Variants in MYO16 observed in about 807,000 individuals in gnomAD.
The protein encoded by MYO16 is unconventional myosin-XVI.
In MYO16, 94 loss-of-function variants were observed where a neutral mutation model predicts 205.3. That is an observed-to-expected ratio of 0.46 (90% CI 0.39 to 0.54). The LOEUF (loss-of-function observed/expected upper bound fraction) is 0.54. Ranked by LOEUF, MYO16 falls within the 20% of genes least tolerant of loss-of-function variation. The pLI, the probability that MYO16 is intolerant of heterozygous loss-of-function variation, is 0.00. For missense variants in MYO16, 2,315 were observed against 2,387.5 expected (o/e 0.97, Z 0.63); for synonymous variants, 988 against 954.0 (o/e 1.04, Z -0.66).
intron 21 of MYO16, among the ~76,000 whole-genome samples, chr13:108,997,378 GA>G (rs1223760255): frequency 0.048 from 1,280 of 26,908 alleles, 40 homozygotes; most frequent in Non-Finnish European, 0.067. Flanking sequence ...GAGAGAGAGA[GA>G]GAGAGAGAGA....
At chr13:108,998,191 A>G (rs1188537469) in intron 21 of MYO16, among the ~76,000 whole-genome samples, 1 of 152,242 alleles carries the variant, frequency 6.6e-6, no homozygotes, top group Non-Finnish European at 1.5e-5. Flanking sequence ...ACTTTTCCAC[A>G]TACTCTTCAC....
chr13:108,744,228 T>C (rs927823976), intron 4 of MYO16, among the ~76,000 whole-genome samples: 17 of 152,222 alleles, frequency 1.1e-4, no homozygotes, highest in African/African-American at 3.1e-4. Context: ...TAAGAAACGA[T>C]TGATTTTTTC....
chr13:109,129,024 G>A (rs963689844), intron 31 of MYO16, among the ~76,000 whole-genome samples: 4 of 150,680 alleles, frequency 2.7e-5, no homozygotes, highest in African/African-American at 9.8e-5. Flanking sequence ...TGCCTGCCTT[G>A]GCCTCCCAAA....
At chr13:108,832,090 G>T (rs1876650789) in intron 9 of MYO16, among the ~76,000 whole-genome samples, 1 of 150,814 alleles carries the variant, frequency 6.6e-6, no homozygotes, top group African/African-American at 2.4e-5. Context: ...AGATTTAGAA[G>T]TTGTGGAAAT....
At position 109,019,905 on chromosome 13, in the gene MYO16, A is replaced by G. The variant is rs1202163909; in HGVS notation, c.2790A>G (p.Ala930=). ...HGTAFTIMHY[A]GRVMYDVVGA... Reference sequence around the variant, plus strand: ...CAGCCTTCACCATCATGCACTACGCAGGAAGGGTAAGTGGCCAGAACTGCA... The same window carrying G: ...CAGCCTTCACCATCATGCACTACGCGGGAAGGGTAAGTGGCCAGAACTGCA... Residue 930 remains alanine, a synonymous_variant, in exon 23 of 35, where the codon GCA becomes GCG. Transcript: ENST00000457511. 2 of 1,614,034 alleles carry G rather than the reference A, an allele frequency of 1.2e-6. No homozygotes were observed. The highest frequency in any genetic ancestry group is 1.3e-5 in the African/African-American group (1 of 75,044).
the MYO16 span, among the ~76,000 whole-genome samples, chr13:108,505,180 A>C: frequency 1.3e-5 from 2 of 152,220 alleles, no homozygotes; most frequent in Non-Finnish European, 2.9e-5. Flanking sequence ...CCAAAGAAGT[A>C]GGATTCCTGG....
intron 12 of MYO16, among the ~76,000 whole-genome samples, chr13:108,882,384 CT>C (rs1335672045): frequency 1.3e-5 from 2 of 152,142 alleles, no homozygotes; most frequent in African/African-American, 4.8e-5. Context: ...GTTCTGCAGT[CT>C]TCTTTTGACT....
chr13:108,606,122 A>C (rs1878948488), intron 1 of MYO16, among the ~76,000 whole-genome samples: 1 of 152,170 alleles, frequency 6.6e-6, no homozygotes, highest in South Asian at 2.1e-4. Context: ...ATTGGCACTT[A>C]TGTTTAAAAG....
At chr13:109,027,773 A>G (rs1434860156) in intron 23 of MYO16, among the ~76,000 whole-genome samples, 3 of 152,200 alleles carry the variant, frequency 2.0e-5, no homozygotes, top group African/African-American at 7.2e-5. Flanking sequence ...TATGTGAGTC[A>G]TCTATTTCCC....
chr13:108,901,609 T>C (rs986530777), intron 15 of MYO16, among the ~76,000 whole-genome samples: 2 of 152,208 alleles, frequency 1.3e-5, no homozygotes, highest in South Asian at 4.1e-4. Context: ...AGGGCATCTA[T>C]GACAGGCATG....
the MYO16 span, among the ~76,000 whole-genome samples, chr13:108,506,476 A>G: frequency 6.6e-6 from 1 of 152,130 alleles, no homozygotes; most frequent in African/African-American, 2.4e-5. Context: ...CATTGTTAAT[A>G]TATAAAAAGC....
chr13:108,625,195 ATG>A (rs1879687487), upstream of MYO16, among the ~76,000 whole-genome samples: 1 of 152,176 alleles, frequency 6.6e-6, no homozygotes, highest in African/African-American at 2.4e-5. Context: ...GGTTGGAGAA[ATG>A]TGAGACTACG....
intron 4 of MYO16, among the ~76,000 whole-genome samples, chr13:108,767,595 T>TC (rs1885824229): frequency 7.9e-5 from 12 of 152,288 alleles, no homozygotes; most frequent in African/African-American, 2.6e-4. Context: ...TGCAAGCATT[T>TC]CTTGCCTTTA....
In MYO16 at chr13:109,026,842, A is replaced by G. The variant is rs377725535; in HGVS notation, c.2796+6931A>G. Among the ~76,000 whole-genome samples, 10 of 152,274 alleles carry G rather than the reference A, an allele frequency of 6.6e-5. No individual in the cohort carries two copies. The East Asian group carries it at 1.9e-3, about 29-fold the overall frequency. On this transcript the variant is annotated intron_variant, in intron 23 of 34. Coordinates refer to ENST00000457511, the MANE Select transcript of MYO16 (RefSeq NM_001198950.3). ...CTCAATAATGATTCCTGAAGCTTGC[A>G]TGACATTTTCCAGTTTACAAAGTAC...
chr13:108,807,693 T>C (rs925404161), intron 7 of MYO16, among the ~76,000 whole-genome samples: 7 of 152,158 alleles, frequency 4.6e-5, no homozygotes, highest in Admixed American at 1.3e-4. Flanking sequence ...TTCTGAGCCG[T>C]CCATTGTACT....
intron 34 of MYO16, among the ~76,000 whole-genome samples, chr13:109,204,807 A>C (rs1221629814): frequency 2.0e-5 from 3 of 152,172 alleles, no homozygotes. Context: ...CCTGATCTGC[A>C]ACATAGAAGT....
At chr13:108,720,418 TCTC>T (rs1488707996) in intron 3 of MYO16, among the ~76,000 whole-genome samples, 2 of 152,208 alleles carry the variant, frequency 1.3e-5, no homozygotes, top group Admixed American at 1.3e-4. Context: ...CTACTTTTCT[TCTC>T]TCTCTGTCAC....
At chr13:109,107,209 C>T (rs1015994620) in intron 28 of MYO16, among the ~76,000 whole-genome samples, 1 of 152,192 alleles carries the variant, frequency 6.6e-6, no homozygotes, top group Non-Finnish European at 1.5e-5. Flanking sequence ...ATGAGATATA[C>T]TTTTCCTATT....
chr13:109,092,328 A>T (rs1311305555), intron 27 of MYO16, among the ~76,000 whole-genome samples: 3 of 150,832 alleles, frequency 2.0e-5, no homozygotes, highest in Non-Finnish European at 3.0e-5. Flanking sequence ...TTTAAAATCA[A>T]CCTAAATGCC....
Sources: gnomAD v4.1 joint callset for allele counts (sites outside exome capture counted in the v4.1 genomes callset) on GRCh38, gnomAD v4.1.1 for gene constraint, MANE v1.5 for transcripts, NCBI Gene and HGNC (gene_info 2026-07-23, HGNC 2026-07-21) for gene names.